RBFOX1: variants seen among roughly 807,000 people sequenced by gnomAD.
RBFOX1 encodes RNA binding protein fox-1 homolog 1.
RBFOX1 carries 8 observed loss-of-function variants against 57.7 expected under a neutral mutation model. The ratio of observed to expected loss-of-function variants is 0.14; its 90% CI spans 0.08 to 0.25. The LOEUF (loss-of-function observed/expected upper bound fraction) is 0.25, where lower values mean the gene tolerates loss of function less well. Ranked by LOEUF, RBFOX1 falls within the 10% of genes least tolerant of loss-of-function variation. RBFOX1 has a pLI of 1.00. For missense variants in RBFOX1, 611 were observed against 548.5 expected, an observed-to-expected ratio of 1.11 and a Z score of -1.14; for synonymous variants, 326 against 222.4, an observed-to-expected ratio of 1.47 and a Z score of -4.15.
At chr16:7,661,058 T>C (rs1158904166) in intron 12 of RBFOX1, among the ~76,000 whole-genome samples, 1 of 152,214 alleles carries the variant, frequency 6.6e-6, no homozygotes, top group Non-Finnish European at 1.5e-5. Flanking sequence ...GTAAGTGTTC[T>C]GCAAATGTGA....
At chr16:6,700,106 G>A (rs1250613675) in intron 3 of RBFOX1, among the ~76,000 whole-genome samples, 1 of 151,984 alleles carries the variant, frequency 6.6e-6, no homozygotes, top group Non-Finnish European at 1.5e-5. Context: ...GAATAAACCA[G>A]GTGGGTACCT....
intron 4 of RBFOX1, among the ~76,000 whole-genome samples, chr16:7,127,117 G>T (rs1020475880): frequency 2.0e-5 from 3 of 151,962 alleles, no homozygotes; most frequent in Non-Finnish European, 4.4e-5. Context: ...ACTTCATGTG[G>T]TCATAAATGG....
At chr16:7,660,211 T>TAACTA (rs1466266259) in intron 12 of RBFOX1, among the ~76,000 whole-genome samples, 2 of 152,230 alleles carry the variant, frequency 1.3e-5, no homozygotes, top group African/African-American at 4.8e-5. Context: ...TTCAAATATT[T>TAACTA]AACTACTGGT....
At position 7,162,720 on chromosome 16, in the gene RBFOX1, C is replaced by A. The variant is rs550811093; in HGVS notation, c.27+110622C>A. Among the ~76,000 whole-genome samples the A allele has an allele frequency of 1.1e-4, 16 of 152,070 alleles. 1 individual carries two copies. In the Middle Eastern group the frequency reaches 0.01, roughly 97 times the overall value. On this transcript the variant is annotated intron_variant, in intron 4 of 15. Transcript: ENST00000550418. ...CTCCACCCTGGGTAACAGAGTGAGA[C>A]CGTAGCTCAAAAAAAAATAATCCAG...
chr16:5,991,885 A>G (rs574767089), intron 4 of RBFOX1, among the ~76,000 whole-genome samples: 14 of 152,282 alleles, frequency 9.2e-5, no homozygotes, highest in South Asian at 8.3e-4. Context: ...CACCTGAGCA[A>G]TGGAAGGCAT....
chr16:5,906,478 C>G (rs934486408), intron 4 of RBFOX1, among the ~76,000 whole-genome samples: 1 of 152,166 alleles, frequency 6.6e-6, no homozygotes, highest in Admixed American at 6.5e-5. Context: ...ACCAAACCTG[C>G]CAACGCCTTG....
chr16:6,941,589 C>G (rs532687492), intron 3 of RBFOX1, among the ~76,000 whole-genome samples: 1 of 152,008 alleles, frequency 6.6e-6, no homozygotes, highest in Non-Finnish European at 1.5e-5. Context: ...GGAATCTCCT[C>G]TACCTACTAA....
chr16:7,525,857 T>C (rs2078583438), intron 5 of RBFOX1, among the ~76,000 whole-genome samples: 1 of 152,162 alleles, frequency 6.6e-6, no homozygotes, highest in African/African-American at 2.4e-5. Flanking sequence ...GAGTTGGGAA[T>C]GGTGCAGTTG....
At chr16:6,582,040 C>G (rs907538709) in intron 2 of RBFOX1, among the ~76,000 whole-genome samples, 4 of 152,268 alleles carry the variant, frequency 2.6e-5, no homozygotes, top group Middle Eastern at 3.4e-3. Flanking sequence ...TGCTGTACTG[C>G]TGCACATCTA....
chr16:6,418,019 G>A (rs192536825), intron 2 of RBFOX1, among the ~76,000 whole-genome samples: 2 of 152,116 alleles, frequency 1.3e-5, no homozygotes, highest in East Asian at 1.9e-4. Context: ...TCAAATAAGA[G>A]ACACAGGCCA....
At chr16:7,445,243 T>A (rs1433980186) in intron 4 of RBFOX1, among the ~76,000 whole-genome samples, 1 of 151,974 alleles carries the variant, frequency 6.6e-6, no homozygotes, top group East Asian at 1.9e-4. Context: ...AAATGAACAG[T>A]GGAAAGAAAT....
At chr16:6,993,090 T>C (rs1484957562) in intron 3 of RBFOX1, among the ~76,000 whole-genome samples, 1 of 152,194 alleles carries the variant, frequency 6.6e-6, no homozygotes, top group African/African-American at 2.4e-5. Context: ...CTTTTGTTAG[T>C]CTACTGCATT....
At chr16:7,160,898 C>T (rs1407371144) in intron 4 of RBFOX1, among the ~76,000 whole-genome samples, 2 of 151,388 alleles carry the variant, frequency 1.3e-5, no homozygotes, top group African/African-American at 2.4e-5. Context: ...TCCAATTCAA[C>T]TCTAACTTCT....
chr16:6,437,341 C>T (rs1168847030), intron 2 of RBFOX1, among the ~76,000 whole-genome samples: 1 of 152,168 alleles, frequency 6.6e-6, no homozygotes, highest in African/African-American at 2.4e-5. Context: ...GAACTAAGCA[C>T]AGAGAGCATA....
intron 3 of RBFOX1, among the ~76,000 whole-genome samples, chr16:6,927,146 C>G (rs1022502631): frequency 6.6e-6 from 1 of 151,974 alleles, no homozygotes; most frequent in African/African-American, 2.4e-5. Context: ...TTAGAGGGTC[C>G]CCACCCTCAG....
At chr16:6,991,109 C>T (rs921046163) in intron 3 of RBFOX1, among the ~76,000 whole-genome samples, 1 of 131,056 alleles carries the variant, frequency 7.6e-6, no homozygotes, top group Admixed American at 8.6e-5. Flanking sequence ...CGAGGCCATC[C>T]TAGGCAACGT....
At chr16:5,367,370 A>G (rs1250909652) in intron 1 of RBFOX1, among the ~76,000 whole-genome samples, 1 of 152,150 alleles carries the variant, frequency 6.6e-6, no homozygotes, top group Non-Finnish European at 1.5e-5. Flanking sequence ...GATTACTCCT[A>G]GGTAGAGAGA....
At position 6,085,670 on chromosome 16, in the gene RBFOX1, C is replaced by G. The variant is rs116006602; in HGVS notation, c.-127+65678C>G. On this transcript the variant is annotated intron_variant, in intron 1 of 15. Transcript: ENST00000550418. ...TGTGTTTGTGTGTGTGTGTGTGTGT[C>G]TGTGTGTGTGCATGCGCGCACGCAC... is the stretch of plus-strand genomic sequence containing the variant. 8.1e-3 allele frequency among the ~76,000 whole-genome samples: 637 copies of G among 78,868 alleles called. 3 individuals carry two copies. Among genetic ancestry groups the G allele is most frequent in the African/African-American group, 0.02 (528 of 26,706 alleles). 51.7% of individuals were successfully genotyped at this position (78,868 alleles called of 152,430 possible).
intron 4 of RBFOX1, among the ~76,000 whole-genome samples, chr16:7,445,288 T>A (rs972463078): frequency 1.3e-5 from 2 of 152,204 alleles, no homozygotes; most frequent in Non-Finnish European, 2.9e-5. Flanking sequence ...ATGTGTTTAA[T>A]ATGCATAGAG....
Sources: allele counts gnomAD v4.1 joint callset (sites outside exome capture counted in the v4.1 genomes callset), GRCh38; gene constraint gnomAD v4.1.1; transcripts MANE v1.5; gene names NCBI Gene and HGNC (gene_info 2026-07-23, HGNC 2026-07-21).